STK4: variants seen among roughly 807,000 people sequenced by gnomAD.
STK4 encodes serine/threonine kinase 4.
STK4 carries 30 observed loss-of-function variants against 64.9 expected under a neutral mutation model. The ratio of observed to expected loss-of-function variants is 0.46; its 90% CI spans 0.35 to 0.63. The LOEUF is 0.63. Ranked by LOEUF, STK4 falls within the 20% of genes least tolerant of loss-of-function variation. STK4 has a pLI of 0.01. For missense variants in STK4, 466 were observed against 598.5 expected (o/e 0.78, Z 2.31); for synonymous variants, 177 against 199.0 (o/e 0.89, Z 0.93).
At chr20:45,027,213 T>G (rs138282058) in intron 10 of STK4, among the ~76,000 whole-genome samples, 59 of 152,130 alleles carry the variant, frequency 3.9e-4, no homozygotes, top group African/African-American at 1.3e-3. Context: ...TCAATCACCT[T>G]AGGTCAGGAG....
At chr20:44,985,105 G>A (rs956585234) in intron 4 of STK4, among the ~76,000 whole-genome samples, 2 of 152,160 alleles carry the variant, frequency 1.3e-5, no homozygotes, top group Non-Finnish European at 2.9e-5. Flanking sequence ...ACTATAGAAG[G>A]TACCCCAGAC....
At chr20:45,007,546 C>CAAAAAAAAAAAAAAAAAAAAAAAAA (rs1390989727) in intron 9 of STK4, among the ~76,000 whole-genome samples, 1 of 149,858 alleles carries the variant, frequency 6.7e-6, no homozygotes, top group African/African-American at 2.5e-5. Context: ...GACTCCATCT[C>CAAAAAAAAAAAAAAAAAAAAAAAAA]AAAAAACAAA....
rs145668260 is a variant in STK4, at chr20:44,997,389, A to G, written c.831+83A>G. ...ATGCCATGAGGTCACCTACGTGGAG[A>G]TAGTAAAGAAGTATAAGGCAGGCTG... On this transcript the variant is annotated intron_variant, in intron 7 of 10. Coordinates refer to ENST00000372806, the MANE Select transcript of STK4 (RefSeq NM_006282.5). 7.6e-4 allele frequency: 1,148 copies of G among 1,501,440 alleles called. 3 individuals are homozygous for G. The African/African-American group carries it at 0.012, about 15-fold the overall frequency. 93.0% of individuals were successfully genotyped at this position (1,501,440 alleles called of 1,614,324 possible).
rs112843623 is a variant in STK4, at chr20:44,987,425, A to G, written c.525+129A>G. The stretch of plus-strand genomic sequence containing the variant: ...TAGTAAAAAATCACAGAATCTGCCA[A>G]TAGGTTACAAAAGAGCTAGTTAGTG... On this transcript the variant is annotated intron_variant, in intron 5 of 10. Coordinates refer to ENST00000372806, the MANE Select transcript of STK4 (RefSeq NM_006282.5). 8.3e-4 allele frequency: 770 copies of G among 922,350 alleles called. 1 individual carries two copies. The highest frequency in any genetic ancestry group is 1.1e-3 in the Non-Finnish European group (696 of 629,802). The allele number at this position is 922,350 out of a possible 1,614,324, so 57.1% of individuals were successfully genotyped here.
intron 5 of STK4, among the ~76,000 whole-genome samples, chr20:44,987,550 A>G (rs1231720184): frequency 6.6e-6 from 1 of 152,226 alleles, no homozygotes; most frequent in Admixed American, 6.5e-5. Flanking sequence ...AGATTACTCT[A>G]GTGCACTACA....
intron 10 of STK4, among the ~76,000 whole-genome samples, chr20:45,074,084 A>G (rs1324902996): frequency 2.6e-5 from 4 of 152,204 alleles, no homozygotes; most frequent in Admixed American, 6.5e-5. Flanking sequence ...GGTTAAGAGC[A>G]TAGACTCTAG....
At chr20:44,966,825 G>C in intron 1 of STK4, among the ~76,000 whole-genome samples, 1 of 152,170 alleles carries the variant, frequency 6.6e-6, no homozygotes, top group East Asian at 1.9e-4. Context: ...AGCACTCGCT[G>C]TGGTGAGACT....
intron 10 of STK4, among the ~76,000 whole-genome samples, chr20:45,042,320 C>A (rs2068626963): frequency 6.6e-6 from 1 of 151,862 alleles, no homozygotes; most frequent in Admixed American, 6.6e-5. Context: ...AATCCTTATT[C>A]CTGGGACATG....
At chr20:45,025,188 C>T (rs2068323657) in intron 10 of STK4, 58 bp downstream of exon 10, 1 of 1,542,798 alleles carries the variant, frequency 6.5e-7, no homozygotes, top group African/African-American at 1.4e-5. Context: ...TGAAATATCA[C>T]ACATTAGTGC....
At chr20:45,003,712 ATTTTTTTT>A (rs750273528) in intron 9 of STK4, among the ~76,000 whole-genome samples, 28 of 136,078 alleles carry the variant, frequency 2.1e-4, no homozygotes, top group Admixed American at 1.1e-3. Context: ...ACGTCTCTAA[ATTTTTTTT>A]TTTTTTTTTT....
At chr20:44,969,594 T>A (rs916315854) in intron 1 of STK4, among the ~76,000 whole-genome samples, 1 of 152,126 alleles carries the variant, frequency 6.6e-6, no homozygotes, top group African/African-American at 2.4e-5. Flanking sequence ...AGATTAATGT[T>A]ATAGTGGAAG....
At chr20:45,007,546 C>CAAAAAAAAA (rs1390989727) in intron 9 of STK4, among the ~76,000 whole-genome samples, 3 of 149,946 alleles carry the variant, frequency 2.0e-5, no homozygotes, top group African/African-American at 7.6e-5. Context: ...GACTCCATCT[C>CAAAAAAAAA]AAAAAACAAA....
At chr20:45,054,347 C>T (rs781677652) in intron 10 of STK4, among the ~76,000 whole-genome samples, 4 of 152,076 alleles carry the variant, frequency 2.6e-5, no homozygotes, top group South Asian at 2.1e-4. Flanking sequence ...GAGGATCCCT[C>T]GAGCCCAGGA....
chr20:45,041,474 A>G (rs562956276), intron 10 of STK4, among the ~76,000 whole-genome samples: 1 of 152,094 alleles, frequency 6.6e-6, no homozygotes, highest in Admixed American at 6.5e-5. Flanking sequence ...CTTTTTTCCT[A>G]TGCTTAGTAT....
At chr20:45,017,333 G>T (rs1341455173) in intron 9 of STK4, among the ~76,000 whole-genome samples, 1 of 152,080 alleles carries the variant, frequency 6.6e-6, no homozygotes, top group Non-Finnish European at 1.5e-5. Context: ...ATAATGATGC[G>T]ACGTAGGAGA....
At chr20:45,008,269 G>C (rs1410741963) in intron 9 of STK4, among the ~76,000 whole-genome samples, 3 of 152,124 alleles carry the variant, frequency 2.0e-5, no homozygotes, top group African/African-American at 7.2e-5. Context: ...CGTCCAGGCT[G>C]GTCTCGAACT....
intron 1 of STK4, among the ~76,000 whole-genome samples, chr20:44,968,982 C>G (rs1305922503): frequency 6.6e-6 from 1 of 152,080 alleles, no homozygotes; most frequent in Non-Finnish European, 1.5e-5. Flanking sequence ...AGAGTTGTTT[C>G]TTTTGACGCC....
intron 6 of STK4, 73 bp from the exon 7 acceptor site, chr20:44,997,096 C>A: frequency 6.3e-7 from 1 of 1,591,852 alleles, no homozygotes; most frequent in Non-Finnish European, 8.6e-7. Context: ...AAATGTAATT[C>A]CACATGTATT....
intron 10 of STK4, among the ~76,000 whole-genome samples, chr20:45,058,214 A>AT (rs3831739): frequency 0.026 from 3,852 of 146,816 alleles, 141 homozygotes; most frequent in African/African-American, 0.084. Flanking sequence ...TTTGTTGCAG[A>AT]TTTTTTTTTT....
Sources: allele counts gnomAD v4.1 joint callset (sites outside exome capture counted in the v4.1 genomes callset), GRCh38; gene constraint gnomAD v4.1.1; transcripts MANE v1.5; gene names NCBI Gene and HGNC (gene_info 2026-07-23, HGNC 2026-07-21).